SRPK2: variants seen among roughly 807,000 people sequenced by gnomAD.
The protein encoded by SRPK2 is SRSF protein kinase 2.
In SRPK2, 21 loss-of-function variants were observed where a neutral mutation model predicts 90.8. The ratio of observed to expected loss-of-function variants is 0.23; its 90% CI spans 0.16 to 0.33. The LOEUF (loss-of-function observed/expected upper bound fraction) is 0.33. Among genes scored for constraint, SRPK2 ranks in the 10% least tolerant of loss-of-function variants. SRPK2 has a pLI of 1.00. For missense variants in SRPK2, 620 were observed against 869.0 expected (o/e 0.71, Z 3.60); for synonymous variants, 288 against 311.1 (o/e 0.93, Z 0.78).
intron 2 of SRPK2, among the ~76,000 whole-genome samples, chr7:105,274,106 C>A (rs953829202): frequency 1.1e-4 from 16 of 152,116 alleles, no homozygotes; most frequent in Admixed American, 1.0e-3. Context: ...ATAGTAAAAC[C>A]CACCCAATAG....
intron 15 of SRPK2, among the ~76,000 whole-genome samples, chr7:105,120,683 T>C (rs1337491021): frequency 6.6e-6 from 1 of 152,106 alleles, no homozygotes; most frequent in Non-Finnish European, 1.5e-5. Flanking sequence ...GGACTTTTTT[T>C]GTGGAAAAAG....
chr7:105,163,586 GGAATTCGA>G (rs1334356534), intron 6 of SRPK2, among the ~76,000 whole-genome samples: 6 of 151,926 alleles, frequency 3.9e-5, no homozygotes, highest in Non-Finnish European at 7.4e-5. Flanking sequence ...CCTGAGGTCG[GGAATTCGA>G]GACCAGCCTG....
intron 6 of SRPK2, among the ~76,000 whole-genome samples, chr7:105,166,902 C>G (rs1790138025): frequency 2.0e-5 from 3 of 152,276 alleles, no homozygotes; most frequent in South Asian, 4.1e-4. Flanking sequence ...CTATTCAGAA[C>G]TAAGAGCAGT....
chr7:105,218,935 T>A (rs985789906), intron 2 of SRPK2, among the ~76,000 whole-genome samples: 2 of 151,704 alleles, frequency 1.3e-5, no homozygotes, highest in Admixed American at 1.3e-4. Flanking sequence ...AATTCAACAA[T>A]TTTTTTTAAA....
intron 2 of SRPK2, among the ~76,000 whole-genome samples, chr7:105,229,336 C>T (rs1040373740): frequency 6.6e-6 from 1 of 151,972 alleles, no homozygotes. Flanking sequence ...TAGCGGCGGG[C>T]GCCTGTAGTC....
chr7:105,346,857 T>A (rs371460301), intron 2 of SRPK2, among the ~76,000 whole-genome samples: 8 of 137,266 alleles, frequency 5.8e-5, no homozygotes, highest in South Asian at 2.4e-4. Flanking sequence ...TCTCATTTGT[T>A]AAAAAAAAAA....
chr7:105,369,576 T>C (rs1206461914), intron 2 of SRPK2, among the ~76,000 whole-genome samples: 1 of 152,224 alleles, frequency 6.6e-6, no homozygotes, highest in Non-Finnish European at 1.5e-5. Flanking sequence ...ACGATGTATT[T>C]CATCTGTGAA....
intron 7 of SRPK2, among the ~76,000 whole-genome samples, chr7:105,158,959 A>C (rs1806994671): frequency 6.6e-6 from 1 of 151,986 alleles, no homozygotes; most frequent in East Asian, 1.9e-4. Flanking sequence ...TGTTCATTTG[A>C]GATATCAGCC....
chr7:105,122,833 T>C (rs1357792508), intron 15 of SRPK2, among the ~76,000 whole-genome samples: 1 of 151,228 alleles, frequency 6.6e-6, no homozygotes, highest in Non-Finnish European at 1.5e-5. Flanking sequence ...ATGCACACAA[T>C]CACTCTCTTT....
At chr7:105,202,976 T>C (rs1795742997) in intron 3 of SRPK2, among the ~76,000 whole-genome samples, 1 of 152,202 alleles carries the variant, frequency 6.6e-6, no homozygotes. Flanking sequence ...TCTTTTATTA[T>C]TTTAATGTTT....
chr7:105,389,307 C>T (rs1331861316), upstream of SRPK2: 1 of 1,280,628 alleles, frequency 7.8e-7, no homozygotes, highest in Non-Finnish European at 1.0e-6. Flanking sequence ...CCGCGGGTCT[C>T]GCACCACCTC....
chr7:105,228,693 T>A (rs1410958029), intron 2 of SRPK2, among the ~76,000 whole-genome samples: 2 of 152,090 alleles, frequency 1.3e-5, no homozygotes, highest in Non-Finnish European at 2.9e-5. Flanking sequence ...AGCGGCAAGA[T>A]GAGCTGCTAA....
At chr7:105,259,233 T>C (rs1468269446) in intron 2 of SRPK2, among the ~76,000 whole-genome samples, 2 of 152,132 alleles carry the variant, frequency 1.3e-5, no homozygotes, top group Non-Finnish European at 2.9e-5. Flanking sequence ...AGCATTCCTA[T>C]ACACCAATAA....
At chr7:105,122,609 C>T (rs1800550398) in intron 15 of SRPK2, among the ~76,000 whole-genome samples, 1 of 152,148 alleles carries the variant, frequency 6.6e-6, no homozygotes, top group Admixed American at 6.5e-5. Flanking sequence ...TCAGCTCAGA[C>T]ACTAAATATT....
chr7:105,181,902 A>C (rs1247622234), intron 3 of SRPK2, among the ~76,000 whole-genome samples: 1 of 131,024 alleles, frequency 7.6e-6, no homozygotes, highest in Non-Finnish European at 1.7e-5. Context: ...AAAAACAGAA[A>C]ACACACACAC....
intron 2 of SRPK2, among the ~76,000 whole-genome samples, chr7:105,210,800 G>A (rs930704618): frequency 2.6e-5 from 4 of 152,176 alleles, no homozygotes; most frequent in Non-Finnish European, 5.9e-5. Context: ...GCGGAGCGGC[G>A]GGCTCCAGCT....
rs544021761 is a variant in SRPK2 at position 105,145,410 on chromosome 7, G to T, written c.788-102C>A. On this transcript the variant is annotated intron_variant, in intron 8 of 15. Transcript: ENST00000393651. ...AGTGAAATAATTATTGTCTTTTAAT[G>T]GCTATCCAACTTCAAAAACTATTAA... is the stretch of plus-strand genomic sequence containing the variant. 8 of 781,386 alleles carry T rather than the reference G, an allele frequency of 1.0e-5. 1 individual carries two copies. In the African/African-American group the frequency reaches 1.0e-4, roughly 10 times the overall value. The allele number at this position is 781,386 out of a possible 1,614,324, so 48.4% of individuals were successfully genotyped here. A position where few individuals can be genotyped will look rare whatever the true frequency, so the allele number is the denominator to read the frequency against.
intron 2 of SRPK2, among the ~76,000 whole-genome samples, chr7:105,382,868 A>T (rs887980584): frequency 1.3e-5 from 2 of 152,100 alleles, no homozygotes; most frequent in Non-Finnish European, 2.9e-5. Flanking sequence ...AGTGCATGTA[A>T]AACTGATAAA....
At position 105,303,162 on chromosome 7, in the gene SRPK2, T is replaced by C. The variant is rs569872125; in HGVS notation, c.71+85486A>G. ...AAAAAGGATGAGTTCATGTCCCTTG[T>C]AGGGACATGGATGAAGCTGGAAACC... On this transcript the variant is annotated intron_variant, in intron 2 of 15. Coordinates refer to ENST00000393651, the MANE Select transcript of SRPK2 (RefSeq NM_182692.3). Among the ~76,000 whole-genome samples the C allele has an allele frequency of 3.3e-5, 5 of 152,208 alleles. No homozygotes were observed. In the East Asian group the frequency reaches 5.8e-4, roughly 18 times the overall value.
Sources: allele counts gnomAD v4.1 joint callset (sites outside exome capture counted in the v4.1 genomes callset), GRCh38; gene constraint gnomAD v4.1.1; transcripts MANE v1.5; gene names NCBI Gene and HGNC (gene_info 2026-07-23, HGNC 2026-07-21).